Variants in SGCD observed in about 807,000 individuals in gnomAD.
SGCD encodes the protein sarcoglycan delta, also known as delta-sarcoglycan.
In SGCD, 18 loss-of-function variants were observed where a neutral mutation model predicts 36.6. The ratio of observed to expected loss-of-function variants is 0.49; its 90% CI spans 0.34 to 0.73. The LOEUF (loss-of-function observed/expected upper bound fraction) is 0.73. SGCD is among the 30% of genes least tolerant of loss of function. The pLI, the probability that SGCD is intolerant of heterozygous loss-of-function variation, is 0.01. For missense variants in SGCD, 387 were observed against 346.7 expected, an observed-to-expected ratio of 1.12 and a Z score of -0.92; for synonymous variants, 133 against 130.6, an observed-to-expected ratio of 1.02 and a Z score of -0.12.
the SGCD span, among the ~76,000 whole-genome samples, chr5:155,838,653 A>C: frequency 6.6e-6 from 1 of 151,914 alleles, no homozygotes; most frequent in South Asian, 2.1e-4. Flanking sequence ...TAAAAATCTC[A>C]CTCTGTCATA....
intron 1 of SGCD, among the ~76,000 whole-genome samples, chr5:155,981,890 C>A (rs1303181919): frequency 6.6e-6 from 1 of 152,220 alleles, no homozygotes; most frequent in Admixed American, 6.5e-5. Context: ...AGATCAAGAC[C>A]TTTTAGGGTG....
intron 3 of SGCD, among the ~76,000 whole-genome samples, chr5:156,470,897 T>A (rs1754932052): frequency 6.6e-6 from 1 of 152,226 alleles, no homozygotes; most frequent in Non-Finnish European, 1.5e-5. Flanking sequence ...AAAACCTTAA[T>A]GACTAAAGTA....
intron 3 of SGCD, among the ~76,000 whole-genome samples, chr5:156,379,720 CAG>C (rs1770878105): frequency 3.9e-5 from 6 of 152,124 alleles, no homozygotes; most frequent in Admixed American, 3.9e-4. Context: ...TCCAGGCTCA[CAG>C]AGTGGCTTGG....
At chr5:156,190,372 A>T (rs956246141) in intron 3 of SGCD, among the ~76,000 whole-genome samples, 1 of 152,156 alleles carries the variant, frequency 6.6e-6, no homozygotes, top group Non-Finnish European at 1.5e-5. Flanking sequence ...CCAAAAAAGG[A>T]TCTGCCCGGA....
chr5:156,426,837 A>G (rs2127784355), intron 3 of SGCD, among the ~76,000 whole-genome samples: 1 of 152,206 alleles, frequency 6.6e-6, no homozygotes, highest in South Asian at 2.1e-4. Context: ...TGCTTTGTTG[A>G]AAATCAGTTG....
chr5:155,999,431 C>A (rs1758619556), intron 1 of SGCD, among the ~76,000 whole-genome samples: 2 of 152,196 alleles, frequency 1.3e-5, no homozygotes, highest in South Asian at 4.1e-4. Flanking sequence ...TATAACTGAG[C>A]AAATCTGATC....
At chr5:156,429,406 T>C (rs1361825589) in intron 3 of SGCD, among the ~76,000 whole-genome samples, 1 of 151,986 alleles carries the variant, frequency 6.6e-6, no homozygotes, top group Non-Finnish European at 1.5e-5. Flanking sequence ...TGAGTCCTTA[T>C]GTCTTAAGTG....
At chr5:156,372,596 T>G (rs188162988) in intron 3 of SGCD, among the ~76,000 whole-genome samples, 11 of 152,184 alleles carry the variant, frequency 7.2e-5, no homozygotes, top group Non-Finnish European at 1.0e-4. Context: ...TATATATATA[T>G]ATATCTTCCT....
intron 6 of SGCD, among the ~76,000 whole-genome samples, chr5:156,645,216 TTG>T (rs1435599315): frequency 6.6e-6 from 1 of 152,182 alleles, no homozygotes; most frequent in Non-Finnish European, 1.5e-5. Context: ...GTAAATTATA[TTG>T]TGTCAAAAGA....
At chr5:156,633,902 A>ACCACAGAG (rs981919483) in intron 6 of SGCD, among the ~76,000 whole-genome samples, 2 of 152,132 alleles carry the variant, frequency 1.3e-5, no homozygotes, top group African/African-American at 4.8e-5. Flanking sequence ...CTACTTCCAC[A>ACCACAGAG]CCACAGAGAG....
chr5:155,890,295 T>C (rs1483955989), intron 1 of SGCD, among the ~76,000 whole-genome samples: 1 of 152,046 alleles, frequency 6.6e-6, no homozygotes, highest in African/African-American at 2.4e-5. Flanking sequence ...GGAAAAGAAA[T>C]TCATTAGAAA....
chr5:155,885,920 A>G (rs768198291), intron 1 of SGCD, among the ~76,000 whole-genome samples: 17 of 152,332 alleles, frequency 1.1e-4, no homozygotes, highest in Non-Finnish European at 2.4e-4. Flanking sequence ...ATGCAGTCCT[A>G]ACTTTCCTGA....
intron 1 of SGCD, among the ~76,000 whole-genome samples, chr5:155,978,010 C>T (rs1758153660): frequency 6.6e-6 from 1 of 152,104 alleles, no homozygotes; most frequent in Non-Finnish European, 1.5e-5. Context: ...AGGGGTATCG[C>T]TTAAACCTAG....
chr5:156,374,662 C>CTTT lies in SGCD; in HGVS notation c.192+30000_192+30002dup, dbSNP rs34441102. Among the ~76,000 whole-genome samples the CTTT allele has an allele frequency of 8.5e-3, 1,148 of 134,494 alleles. 26 individuals are homozygous for CTTT. The highest frequency in any genetic ancestry group is 0.029 in the African/African-American group (1,058 of 35,992). The allele number at this position is 134,494 out of a possible 152,430, so 88.2% of individuals were successfully genotyped here. On this transcript the variant is annotated intron_variant, in intron 3 of 8. Transcript: ENST00000337851. ...AATAAACAATACAAAGCAACCCTGT[C>CTTT]TTTTTTTTTTTTTTTTTGAGACGGA...
intron 4 of SGCD, among the ~76,000 whole-genome samples, chr5:156,586,741 T>C (rs1239473954): frequency 1.3e-5 from 2 of 152,240 alleles, no homozygotes; most frequent in African/African-American, 4.8e-5. Flanking sequence ...CCTATGATTG[T>C]AAGATTTTGG....
At chr5:156,524,108 A>G (rs1757536424) in intron 4 of SGCD, among the ~76,000 whole-genome samples, 1 of 20,544 alleles carries the variant, frequency 4.9e-5, no homozygotes, top group African/African-American at 1.3e-4. Flanking sequence ...ATATATATAT[A>G]TATATATATA....
At chr5:156,529,985 C>A (rs1470378306) in intron 4 of SGCD, among the ~76,000 whole-genome samples, 2 of 152,166 alleles carry the variant, frequency 1.3e-5, no homozygotes, top group Non-Finnish European at 2.9e-5. Flanking sequence ...CACAGATGCA[C>A]TTGTTGCATA....
At chr5:156,422,109 T>C (rs7729818) in intron 3 of SGCD, among the ~76,000 whole-genome samples, 109,162 of 151,924 alleles carry the variant, frequency 0.72, 40,475 homozygotes, top group African/African-American at 0.91. Flanking sequence ...GATCTTATCA[T>C]TGGGCCTCTT....
chr5:155,825,733 T>G, the SGCD span, among the ~76,000 whole-genome samples: 1 of 52,838 alleles, frequency 1.9e-5, no homozygotes, highest in East Asian at 1.2e-3. Context: ...TATTTGTTTT[T>G]TTTTTTTTGT....
Sources: gnomAD v4.1 joint callset for allele counts (sites outside exome capture counted in the v4.1 genomes callset) on GRCh38, gnomAD v4.1.1 for gene constraint, MANE v1.5 for transcripts, NCBI Gene and HGNC (gene_info 2026-07-23, HGNC 2026-07-21) for gene names.